GSE1: variants seen among roughly 807,000 people sequenced by gnomAD.
The protein encoded by GSE1 is Gse1 coiled-coil protein, also known as genetic suppressor element 1.
In GSE1, 32 loss-of-function variants were observed where a neutral mutation model predicts 112.6. The ratio of observed to expected loss-of-function variants is 0.28; its 90% CI spans 0.21 to 0.38. The LOEUF is 0.38. Ranked by LOEUF, GSE1 falls within the 10% of genes least tolerant of loss-of-function variation. The pLI, the probability that GSE1 is intolerant of heterozygous loss-of-function variation, is 1.00. For missense variants in GSE1, 2,348 were observed against 1,699.2 expected (o/e 1.38, Z -6.71); for synonymous variants, 1,115 against 735.6 (o/e 1.52, Z -8.35).
chr16:85,560,393 G>A (rs1351203835), intron 1 of GSE1, among the ~76,000 whole-genome samples: 1 of 152,070 alleles, frequency 6.6e-6, no homozygotes, highest in African/African-American at 2.4e-5. Flanking sequence ...AAAGTGCTGG[G>A]ATTACAGGTG....
chr16:85,671,006 G>C lies in GSE1; in HGVS notation c.3427G>C (p.Glu1143Gln). Residue 1143 changes from glutamate (E) to glutamine (Q), a missense_variant, in exon 15 of 16, where the codon GAG (glutamate) becomes CAG (glutamine). Glu to Gln is a conservative substitution (Grantham distance 29). Transcript: ENST00000253458. ...YQEHIEEQNL[E>Q]RQVLQTQCRR... ...TCCTGTCTTTTCAGAGCAAAATCTG[G>C]AGCGGCAGGTGTTACAGACACAATG... 1 of 1,608,206 alleles carries C rather than the reference G, an allele frequency of 6.2e-7. No individual in the cohort carries two copies. The highest frequency in any genetic ancestry group is 1.1e-5 in the South Asian group (1 of 90,924).
At chr16:85,374,360 T>C (rs1300533717) in intron 2 of GSE1, among the ~76,000 whole-genome samples, 1 of 150,996 alleles carries the variant, frequency 6.6e-6, no homozygotes, top group African/African-American at 2.4e-5. Context: ...TGGCCCTCGG[T>C]GTGCAGTGTG....
intron 2 of GSE1, among the ~76,000 whole-genome samples, chr16:85,509,216 C>T (rs369827958): frequency 8.5e-5 from 13 of 152,270 alleles, no homozygotes; most frequent in East Asian, 7.7e-4. Context: ...TGCACGTGGA[C>T]GCAAGGGGGC....
intron 2 of GSE1, among the ~76,000 whole-genome samples, chr16:85,505,746 C>T (rs140060209): frequency 3.9e-5 from 6 of 152,204 alleles, no homozygotes; most frequent in African/African-American, 9.6e-5. Flanking sequence ...AGGCCGGGTG[C>T]GGTAACTCAC....
intron 1 of GSE1, among the ~76,000 whole-genome samples, chr16:85,307,260 C>G (rs1567677572): frequency 6.6e-6 from 1 of 152,158 alleles, no homozygotes; most frequent in Non-Finnish European, 1.5e-5. Flanking sequence ...CTGGAGGCTC[C>G]TTGTCAGTGG....
At chr16:85,342,944 GA>G (rs1477973397) in intron 1 of GSE1, among the ~76,000 whole-genome samples, 2 of 151,862 alleles carry the variant, frequency 1.3e-5, no homozygotes, top group African/African-American at 4.8e-5. Flanking sequence ...GGCCAGCAGA[GA>G]AAGCCGGGCA....
intron 2 of GSE1, among the ~76,000 whole-genome samples, chr16:85,643,220 G>A (rs764979050): frequency 6.6e-6 from 1 of 152,200 alleles, no homozygotes; most frequent in Non-Finnish European, 1.5e-5. Flanking sequence ...CTCCAATCCA[G>A]ATCCGTTTCA....
upstream of GSE1, among the ~76,000 whole-genome samples, chr16:85,553,519 G>C (rs915832808): frequency 1.8e-3 from 279 of 151,770 alleles, 1 homozygote; most frequent in African/African-American, 6.4e-3. Flanking sequence ...GCGTGCGCTA[G>C]GCCGCCCGCT....
chr16:85,585,674 C>G (rs527656816), intron 1 of GSE1, among the ~76,000 whole-genome samples: 1 of 152,350 alleles, frequency 6.6e-6, no homozygotes, highest in African/African-American at 2.4e-5. Flanking sequence ...TGGAACTCTT[C>G]CTGCATGGCC....
intron 2 of GSE1, among the ~76,000 whole-genome samples, chr16:85,486,860 C>A (rs946114399): frequency 1.3e-5 from 2 of 152,184 alleles, no homozygotes; most frequent in Admixed American, 1.3e-4. Flanking sequence ...GTGCTCAGTG[C>A]GCATTTCTTG....
At chr16:85,623,945 C>G (rs747817509) in intron 1 of GSE1, among the ~76,000 whole-genome samples, 19 of 152,330 alleles carry the variant, frequency 1.2e-4, no homozygotes, top group African/African-American at 4.1e-4. Context: ...GGTACTGGCA[C>G]TCACTCGGTA....
At chr16:85,176,906 C>G (rs1271114107) in intron 1 of GSE1, among the ~76,000 whole-genome samples, 2 of 152,270 alleles carry the variant, frequency 1.3e-5, no homozygotes, top group African/African-American at 2.4e-5. Flanking sequence ...CTGGCTGCCC[C>G]TCCTCCCCAG....
chr16:85,408,512 A>T lies in GSE1; in HGVS notation c.2464+50869A>T, dbSNP rs1292123357. Among the ~76,000 whole-genome samples the T allele has an allele frequency of 5.7e-4, 22 of 38,358 alleles. 1 individual carries two copies. The highest frequency in any genetic ancestry group is 1.3e-3 in the South Asian group (1 of 754). 25.2% of individuals were successfully genotyped at this position (38,358 alleles called of 152,430 possible). A position where few individuals can be genotyped will look rare whatever the true frequency, so the allele number is the denominator to read the frequency against. ...GCACCTGGATAATCCTCACTGTTAC[A>T]CTCAGGCCCCCTGGATAATCCTCAC... is the stretch of plus-strand genomic sequence containing the variant. On this transcript the variant is annotated intron_variant, in intron 2 of 2. Coordinates refer to the GSE1 transcript ENST00000637419.
chr16:85,508,133 A>C (rs1054947193), intron 2 of GSE1, among the ~76,000 whole-genome samples: 2 of 152,178 alleles, frequency 1.3e-5, no homozygotes, highest in Non-Finnish European at 2.9e-5. Flanking sequence ...CCTCGGGTTC[A>C]AGTGATTCTC....
chr16:85,479,546 T>C (rs759571435), intron 2 of GSE1, among the ~76,000 whole-genome samples: 10 of 152,112 alleles, frequency 6.6e-5, no homozygotes, highest in Non-Finnish European at 1.5e-4. Context: ...TCAGGTGATC[T>C]GCCTGCCTTT....
chr16:85,171,837 C>G, intron 1 of GSE1: 1 of 965,200 alleles, frequency 1.0e-6, no homozygotes, highest in South Asian at 4.8e-5. Flanking sequence ...TCATCTTAGA[C>G]GCTTCCTCCA....
At chr16:85,515,357 C>T (rs1444106020) in intron 2 of GSE1, among the ~76,000 whole-genome samples, 1 of 152,182 alleles carries the variant, frequency 6.6e-6, no homozygotes, top group African/African-American at 2.4e-5. Context: ...CCTCCTGGGC[C>T]GTGGGGCTTC....
rs533754397 is a variant in GSE1 at position 85,654,389 on chromosome 16, C to T, written c.538C>T (p.Pro180Ser). 1 of 1,609,172 alleles carries T rather than the reference C, an allele frequency of 6.2e-7. No individual in the cohort carries two copies. Among genetic ancestry groups the T allele is most frequent in the Non-Finnish European group, 8.5e-7 (1 of 1,177,986 alleles). Reference protein sequence around the residue: ...PAIPSHLLSTPYPFGLSPSSV... With the variant: ...PAIPSHLLSTSYPFGLSPSSV... ...CATCCCCTCGCACCTGCTCAGCACC[C>T]CCTACCCCTTCGGCCTCTCCCCCAG... The change falls in exon 4 of 16, where the codon CCC (proline) becomes TCC (serine). Residue 180 changes from proline to serine, a missense_variant. Pro to Ser is a moderately conservative substitution (Grantham distance 74). Transcript: ENST00000253458.
chr16:85,479,844 C>T (rs913633936), intron 2 of GSE1, among the ~76,000 whole-genome samples: 2 of 152,158 alleles, frequency 1.3e-5, no homozygotes, highest in Non-Finnish European at 2.9e-5. Flanking sequence ...GTCATAATTC[C>T]TAGTACAGAG....
Sources: allele counts gnomAD v4.1 joint callset (sites outside exome capture counted in the v4.1 genomes callset), GRCh38; gene constraint gnomAD v4.1.1; transcripts MANE v1.5; gene names NCBI Gene and HGNC (gene_info 2026-07-23, HGNC 2026-07-21).